CPNE8: variants seen among roughly 807,000 people sequenced by gnomAD.
CPNE8 encodes copine 8, also known as copine-8.
Under a neutral mutation model 81.5 loss-of-function variants are expected in CPNE8, and 45 were observed. The ratio of observed to expected loss-of-function variants is 0.55; its 90% confidence interval spans 0.44 to 0.71. The LOEUF is 0.71. CPNE8 is among the 30% of genes least tolerant of loss of function. The pLI is 0.00. For synonymous variants in CPNE8, 252 were observed against 226.3 expected (o/e 1.11, Z -1.02); for missense variants, 594 against 672.1 (o/e 0.88, Z 1.28).
chr12:38,742,724 C>A (rs1382893171), intron 10 of CPNE8, among the ~76,000 whole-genome samples: 1 of 121,180 alleles, frequency 8.3e-6, no homozygotes, highest in Non-Finnish European at 1.9e-5. Flanking sequence ...AAAACATAAA[C>A]CATAGGAAGA....
intron 3 of CPNE8, among the ~76,000 whole-genome samples, chr12:38,865,922 G>C (rs1943906209): frequency 6.6e-6 from 1 of 152,128 alleles, no homozygotes; most frequent in South Asian, 2.1e-4. Flanking sequence ...ATAAACTACA[G>C]GTAACTTATA....
At chr12:38,705,685 G>A (rs1266707597) in intron 13 of CPNE8, among the ~76,000 whole-genome samples, 1 of 152,092 alleles carries the variant, frequency 6.6e-6, no homozygotes, top group Non-Finnish European at 1.5e-5. Context: ...TCATGCTGTG[G>A]TAGGGAGAGA....
At chr12:38,703,235 C>T (rs1939994528) in intron 13 of CPNE8, among the ~76,000 whole-genome samples, 1 of 152,080 alleles carries the variant, frequency 6.6e-6, no homozygotes, top group South Asian at 2.1e-4. Context: ...TAATTATTTT[C>T]CAGCCTCAAT....
At chr12:38,877,971 G>A (rs1944091932) in intron 1 of CPNE8, among the ~76,000 whole-genome samples, 1 of 152,110 alleles carries the variant, frequency 6.6e-6, no homozygotes, top group Non-Finnish European at 1.5e-5. Flanking sequence ...TAAAGAAGCT[G>A]GCCAAAACTC....
intron 10 of CPNE8, among the ~76,000 whole-genome samples, chr12:38,755,752 A>G (rs558742217): frequency 4.3e-4 from 66 of 152,128 alleles, no homozygotes; most frequent in Non-Finnish European, 7.2e-4. Context: ...TAAAAAGAAC[A>G]GGTAACGGCC....
At chr12:38,734,333 C>G (rs956031153) in intron 10 of CPNE8, among the ~76,000 whole-genome samples, 4 of 151,994 alleles carry the variant, frequency 2.6e-5, no homozygotes, top group Admixed American at 1.3e-4. Flanking sequence ...GCACAAGTGC[C>G]AATCATATTA....
chr12:38,838,847 C>T (rs768562960), intron 5 of CPNE8, among the ~76,000 whole-genome samples: 9 of 152,118 alleles, frequency 5.9e-5, no homozygotes, highest in Non-Finnish European at 5.9e-5. Flanking sequence ...TACCACCATA[C>T]GTATCCATGC....
At chr12:38,731,752 G>A (rs1940835987) in intron 10 of CPNE8, among the ~76,000 whole-genome samples, 1 of 151,658 alleles carries the variant, frequency 6.6e-6, no homozygotes, top group African/African-American at 2.4e-5. Context: ...AGTTACCCAG[G>A]GAAAAATCAC....
At chr12:38,870,793 A>T (rs1054728062) in intron 3 of CPNE8, among the ~76,000 whole-genome samples, 2 of 151,670 alleles carry the variant, frequency 1.3e-5, no homozygotes, top group Admixed American at 1.3e-4. Context: ...AAGTATAATA[A>T]AAATAAATAA....
At chr12:38,782,244 C>A (rs1029442885) in intron 6 of CPNE8, among the ~76,000 whole-genome samples, 1 of 151,786 alleles carries the variant, frequency 6.6e-6, no homozygotes, top group African/African-American at 2.4e-5. Context: ...AATGCAAGGT[C>A]AATAAAAGAC....
intron 6 of CPNE8, among the ~76,000 whole-genome samples, chr12:38,817,947 A>G (rs986514896): frequency 6.6e-6 from 1 of 152,018 alleles, no homozygotes; most frequent in African/African-American, 2.4e-5. Flanking sequence ...TTTGAAGGCA[A>G]TATAATGCTG....
chr12:38,700,881 C>T (rs957869551), intron 14 of CPNE8, among the ~76,000 whole-genome samples: 8 of 152,182 alleles, frequency 5.3e-5, no homozygotes, highest in Middle Eastern at 3.2e-3. Flanking sequence ...TAAGACATAA[C>T]TTTGCTCCTC....
intron 6 of CPNE8, among the ~76,000 whole-genome samples, chr12:38,795,945 A>G (rs1459581997): frequency 6.6e-6 from 1 of 151,968 alleles, no homozygotes; most frequent in Admixed American, 6.6e-5. Context: ...TTCTGAGAAT[A>G]CAAGACTGTG....
rs147220515 is a variant in CPNE8, at chr12:38,764,821, A to G, written c.576-2605T>C. 4.9e-3 allele frequency among the ~76,000 whole-genome samples: 741 copies of G among 152,154 alleles called. 4 individuals carry two copies. The highest frequency in any genetic ancestry group is 0.017 in the African/African-American group (690 of 41,502). ...TAGCAAGTCTTTGGTATGGTGATAG[A>G]TACAGATAGCTAAATAGATGATATC... is the stretch of plus-strand genomic sequence containing the variant. On this transcript the variant is annotated intron_variant, in intron 8 of 19. Transcript: ENST00000331366.
At chr12:38,702,820 T>TTA in intron 14 of CPNE8, 55 bp downstream of exon 14, 1 of 1,058,478 alleles carries the variant, frequency 9.4e-7, no homozygotes, top group Non-Finnish European at 1.4e-6. Context: ...AAATATAAAT[T>TTA]TATTTTTCAT....
At chr12:38,775,823 A>G (rs1230689149) in intron 7 of CPNE8, among the ~76,000 whole-genome samples, 4 of 152,202 alleles carry the variant, frequency 2.6e-5, no homozygotes, top group Non-Finnish European at 5.9e-5. Context: ...ATTAAATTAG[A>G]AAAATTGGGG....
chr12:38,869,162 G>T (rs1175616065), intron 3 of CPNE8, among the ~76,000 whole-genome samples: 1 of 152,072 alleles, frequency 6.6e-6, no homozygotes, highest in Non-Finnish European at 1.5e-5. Context: ...TTCATATTAG[G>T]TTTGAGGCCA....
chr12:38,758,070 G>T (rs945654403), intron 10 of CPNE8, among the ~76,000 whole-genome samples: 1 of 151,894 alleles, frequency 6.6e-6, no homozygotes, highest in Non-Finnish European at 1.5e-5. Context: ...TTTTAAATCT[G>T]ATGTCTCAAA....
intron 6 of CPNE8, among the ~76,000 whole-genome samples, chr12:38,782,687 TG>T (rs1465823546): frequency 4.7e-5 from 7 of 150,020 alleles, no homozygotes; most frequent in Admixed American, 2.0e-4. Context: ...GTTTTTGTTT[TG>T]TTTTTTTTTT....
Sources: allele counts gnomAD v4.1 joint callset (sites outside exome capture counted in the v4.1 genomes callset), GRCh38; gene constraint gnomAD v4.1.1; transcripts MANE v1.5; gene names NCBI Gene and HGNC (gene_info 2026-07-23, HGNC 2026-07-21).